PPP2R3C: variants seen among roughly 807,000 people sequenced by gnomAD.
The protein encoded by PPP2R3C is protein phosphatase 2 regulatory subunit B''gamma.
PPP2R3C carries 47 observed loss-of-function variants against 63.7 expected under a neutral mutation model. That is an observed-to-expected ratio of 0.74 (90% CI 0.58 to 0.94). PPP2R3C has a LOEUF of 0.94. PPP2R3C is among the 40% of genes least tolerant of loss of function. The pLI is 0.00. For synonymous variants in PPP2R3C, 180 were observed against 177.4 expected (o/e 1.01, Z -0.12); for missense variants, 421 against 518.4 (o/e 0.81, Z 1.82).
At position 35,095,690 on chromosome 14, in the gene PPP2R3C, A is replaced by C. The variant is rs11845903; in HGVS notation, c.839-506T>G. 6.6e-3 allele frequency among the ~76,000 whole-genome samples: 998 copies of C among 150,502 alleles called. 8 individuals are homozygous for C. The highest frequency in any genetic ancestry group is 0.023 in the East Asian group (119 of 5,130). ...CGTCTCTACTAAAAAAAAAAACAAA[A>C]AAAAAAAACATTAGCCGGGTGTGGT... is the stretch of plus-strand genomic sequence containing the variant. On this transcript the variant is annotated intron_variant, in intron 9 of 12. Coordinates refer to ENST00000261475, the MANE Select transcript of PPP2R3C (RefSeq NM_017917.4).
rs747152600 is a variant in PPP2R3C at position 35,107,361 on chromosome 14, T to C, written c.516A>G (p.Gln172=). The change falls in exon 6 of 13, where the codon CAA becomes CAG. Residue 172 remains glutamine (Q), a synonymous_variant. Transcript: ENST00000261475. ...NYVMRKVWLH[Q]TRIGLSLYDV... is the part of the protein sequence containing the mutation. Reference sequence around the variant, plus strand: ...CATATAAACTGAGTCCTATTCTTGTTTGATGAAGCCAAACTGACAATAAAC... The same window carrying C: ...CATATAAACTGAGTCCTATTCTTGTCTGATGAAGCCAAACTGACAATAAAC... 2 of 1,607,302 alleles carry C rather than the reference T, an allele frequency of 1.2e-6. No homozygotes were observed. The highest frequency in any genetic ancestry group is 2.2e-5 in the East Asian group (1 of 44,812).
At chr14:35,112,680 G>T (rs569108756) in intron 2 of PPP2R3C, among the ~76,000 whole-genome samples, 1 of 152,190 alleles carries the variant, frequency 6.6e-6, no homozygotes, top group Non-Finnish European at 1.5e-5. Context: ...GGGAAGTGGG[G>T]GTCAAACATG....
At chr14:35,114,184 A>G (rs1476517404) in intron 2 of PPP2R3C, among the ~76,000 whole-genome samples, 2 of 152,218 alleles carry the variant, frequency 1.3e-5, no homozygotes, top group East Asian at 3.8e-4. Flanking sequence ...CCATTTAAAA[A>G]AATACACAGA....
At chr14:35,111,542 GA>G (rs2046560850) in intron 2 of PPP2R3C, among the ~76,000 whole-genome samples, 1 of 152,234 alleles carries the variant, frequency 6.6e-6, no homozygotes, top group African/African-American at 2.4e-5. Flanking sequence ...AGGAGGATGC[GA>G]AGGACCAGAA....
chr14:35,095,695 A>AC (rs1240292998), intron 9 of PPP2R3C, among the ~76,000 whole-genome samples: 2 of 151,448 alleles, frequency 1.3e-5, no homozygotes, highest in African/African-American at 4.9e-5. Context: ...ACAAAAAAAA[A>AC]AAACATTAGC....
chr14:35,106,915 C>T (rs1372724104), intron 6 of PPP2R3C, among the ~76,000 whole-genome samples: 36 of 152,162 alleles, frequency 2.4e-4, no homozygotes. Context: ...GATCCGCCTG[C>T]CTCATCCTTC....
chr14:35,105,629 G>A (rs545165058), intron 6 of PPP2R3C, among the ~76,000 whole-genome samples: 1 of 152,056 alleles, frequency 6.6e-6, no homozygotes, highest in South Asian at 2.1e-4. Flanking sequence ...GAAACATCCT[G>A]TGTCTCAACA....
intron 11 of PPP2R3C, among the ~76,000 whole-genome samples, chr14:35,090,237 G>GT (rs34745484): frequency 0.17 from 20,444 of 116,868 alleles, 2,313 homozygotes; most frequent in Non-Finnish European, 0.23. Flanking sequence ...GGTAGTTGTA[G>GT]TTTTTTTTTT....
At chr14:35,111,884 C>A (rs1348028751) in intron 2 of PPP2R3C, among the ~76,000 whole-genome samples, 1 of 152,200 alleles carries the variant, frequency 6.6e-6, no homozygotes, top group Non-Finnish European at 1.5e-5. Context: ...AAACCCTAGC[C>A]TCCAACTTTT....
At chr14:35,119,976 T>G (rs981406306) in intron 1 of PPP2R3C, among the ~76,000 whole-genome samples, 8 of 148,724 alleles carry the variant, frequency 5.4e-5, no homozygotes, top group African/African-American at 9.9e-5. Flanking sequence ...CTCAGCCTCC[T>G]GAGTAGCTGG....
At chr14:35,122,192 G>T (rs955718132), upstream of PPP2R3C, 2 of 549,904 alleles carry the variant, frequency 3.6e-6, no homozygotes, top group East Asian at 3.0e-5. Flanking sequence ...GATGGAAAAT[G>T]GTTCTCCTTC....
chr14:35,121,387 A>C (rs1385782186), intron 1 of PPP2R3C, among the ~76,000 whole-genome samples: 1 of 152,210 alleles, frequency 6.6e-6, no homozygotes, highest in Admixed American at 6.5e-5. Context: ...CGTCTCAAAA[A>C]AAAAAGTGAG....
At chr14:35,106,983 G>T (rs997820382) in intron 6 of PPP2R3C, among the ~76,000 whole-genome samples, 2 of 152,100 alleles carry the variant, frequency 1.3e-5, no homozygotes, top group African/African-American at 4.8e-5. Flanking sequence ...CTCTCTTAAT[G>T]ATGACTTGAA....
At chr14:35,115,167 CTT>C (rs1201457543) in intron 2 of PPP2R3C, among the ~76,000 whole-genome samples, 8 of 132,252 alleles carry the variant, frequency 6.0e-5, no homozygotes, top group Admixed American at 7.6e-5. Flanking sequence ...TTTTCTTTTT[CTT>C]TTTTTTTTTT....
chr14:35,119,699 T>G (rs1487027490), intron 1 of PPP2R3C, among the ~76,000 whole-genome samples: 1 of 151,860 alleles, frequency 6.6e-6, no homozygotes, highest in Non-Finnish European at 1.5e-5. Context: ...AACAGCACGT[T>G]TGTGCTGGTG....
chr14:35,089,855 A>AG (rs11413424), intron 11 of PPP2R3C, among the ~76,000 whole-genome samples: 1 of 116,364 alleles, frequency 8.6e-6, no homozygotes, highest in Non-Finnish European at 1.7e-5. Flanking sequence ...TTTAGTAGAG[A>AG]TGGGTTTCAC....
intron 10 of PPP2R3C, 47 bp downstream of exon 10, chr14:35,095,001 C>A: frequency 3.2e-6 from 5 of 1,548,702 alleles, no homozygotes; most frequent in Non-Finnish European, 4.4e-6. Context: ...TGTGGAAACT[C>A]TGGGAGCCTA....
At chr14:35,089,674 T>A (rs1421102291) in intron 11 of PPP2R3C, among the ~76,000 whole-genome samples, 1 of 151,986 alleles carries the variant, frequency 6.6e-6, no homozygotes, top group Non-Finnish European at 1.5e-5. Context: ...TAATTTTTTT[T>A]TTTCTTTTTG....
chr14:35,088,113 C>A, intron 11 of PPP2R3C, 103 bp from the exon 12 acceptor site: 1 of 806,802 alleles, frequency 1.2e-6, no homozygotes, highest in East Asian at 2.7e-5. Flanking sequence ...CCTATCAGGC[C>A]ACAAACCTCA....
Sources: allele counts gnomAD v4.1 joint callset (sites outside exome capture counted in the v4.1 genomes callset), GRCh38; gene constraint gnomAD v4.1.1; transcripts MANE v1.5; gene names NCBI Gene and HGNC (gene_info 2026-07-23, HGNC 2026-07-21).